CPHXL2: variants seen among roughly 807,000 people sequenced by gnomAD.
CPHXL2 encodes cytoplasmic polyadenylated homeobox like 2.
the CPHXL2 span, among the ~76,000 whole-genome samples, chr16:75,665,376 AG>A: frequency 6.6e-6 from 1 of 152,226 alleles, no homozygotes. Flanking sequence ...TTTTGTATCC[AG>A]TGAAAGTAAG....
At chr16:75,662,034 T>C in the CPHXL2 span, among the ~76,000 whole-genome samples, 1 of 152,202 alleles carries the variant, frequency 6.6e-6, no homozygotes, top group African/African-American at 2.4e-5. Flanking sequence ...CTGCCCCTCC[T>C]TCAGATGCCA....
chr16:75,676,349 G>C, the CPHXL2 span, among the ~76,000 whole-genome samples: 1 of 152,082 alleles, frequency 6.6e-6, no homozygotes. Flanking sequence ...TAAGAGACAA[G>C]GCCTCACTCT....
the CPHXL2 span, among the ~76,000 whole-genome samples, chr16:75,674,304 C>T: frequency 9.7e-5 from 13 of 134,234 alleles, no homozygotes; most frequent in South Asian, 4.9e-4. Context: ...ACCCGGGAGG[C>T]GGAGCTTGCA....
chr16:75,675,053 G>A, the CPHXL2 span, among the ~76,000 whole-genome samples: 1 of 151,356 alleles, frequency 6.6e-6, no homozygotes, highest in South Asian at 2.1e-4. Flanking sequence ...ACCAGTCATG[G>A]TGGTGGGCAC....
the CPHXL2 span, among the ~76,000 whole-genome samples, chr16:75,673,950 A>G: frequency 2.7e-5 from 4 of 150,618 alleles, no homozygotes; most frequent in African/African-American, 7.3e-5. Flanking sequence ...ACTGCACTCC[A>G]GCCTGGGTGA....
the CPHXL2 span, among the ~76,000 whole-genome samples, chr16:75,666,357 C>T: frequency 2.0e-5 from 3 of 152,002 alleles, no homozygotes; most frequent in South Asian, 2.1e-4. Flanking sequence ...CGTGGTGGCT[C>T]ACACTGTAAT....
the CPHXL2 span, chr16:75,661,377 G>A: frequency 5.0e-6 from 2 of 396,718 alleles, no homozygotes; most frequent in Non-Finnish European, 8.9e-6. Context: ...CTTGCCTTCA[G>A]ACATTAAGGC....
chr16:75,669,946 AT>A, the CPHXL2 span, among the ~76,000 whole-genome samples: 3 of 151,978 alleles, frequency 2.0e-5, no homozygotes, highest in Non-Finnish European at 4.4e-5. Flanking sequence ...TTATTTATTT[AT>A]TTTGTCATCC....
the CPHXL2 span, among the ~76,000 whole-genome samples, chr16:75,670,013 C>T: frequency 1.3e-5 from 2 of 152,166 alleles, no homozygotes; most frequent in Non-Finnish European, 2.9e-5. Context: ...CTCCTGGGTT[C>T]AAGCAATTCT....
the CPHXL2 span, chr16:75,669,684 C>G: frequency 2.5e-6 from 1 of 394,952 alleles, no homozygotes; most frequent in Non-Finnish European, 4.5e-6. Context: ...CTCATAGCTA[C>G]TCACAATAAT....
chr16:75,672,968 T>G, the CPHXL2 span, among the ~76,000 whole-genome samples: 1 of 150,104 alleles, frequency 6.7e-6, no homozygotes, highest in African/African-American at 2.5e-5. Flanking sequence ...TATTCCTAGC[T>G]ACTCCTGAGG....
At chr16:75,674,321 C>T in the CPHXL2 span, among the ~76,000 whole-genome samples, 8 of 136,340 alleles carry the variant, frequency 5.9e-5, no homozygotes, top group Middle Eastern at 5.0e-3. Flanking sequence ...TGCAGTGAGC[C>T]GAGATCGCAC....
the CPHXL2 span, chr16:75,669,333 T>G: frequency 7.6e-6 from 3 of 395,728 alleles, no homozygotes; most frequent in Non-Finnish European, 1.3e-5. Context: ...AAAAAAAATC[T>G]AAGAAACATG....
the CPHXL2 span, among the ~76,000 whole-genome samples, chr16:75,664,455 G>A: frequency 4.3e-4 from 65 of 151,972 alleles, no homozygotes; most frequent in African/African-American, 1.4e-3. Flanking sequence ...GAGAAACCCC[G>A]TATTTACTAA....
the CPHXL2 span, chr16:75,660,851 C>T: frequency 5.0e-6 from 2 of 398,672 alleles, no homozygotes; most frequent in Middle Eastern, 6.3e-4. Flanking sequence ...CACCTCCATA[C>T]TCCAAAGCAT....
chr16:75,667,797 CAT>C, the CPHXL2 span, among the ~76,000 whole-genome samples: 9 of 152,244 alleles, frequency 5.9e-5, no homozygotes, highest in African/African-American at 9.6e-5. Context: ...ACATGTGAAA[CAT>C]GTGTCCAAAA....
the CPHXL2 span, chr16:75,676,979 G>T: frequency 1.0e-5 from 4 of 398,442 alleles, no homozygotes; most frequent in East Asian, 1.4e-4. Flanking sequence ...TCTACCAAAG[G>T]CACTCACCTT....
At chr16:75,673,854 C>G in the CPHXL2 span, among the ~76,000 whole-genome samples, 2 of 151,640 alleles carry the variant, frequency 1.3e-5, no homozygotes, top group Non-Finnish European at 2.9e-5. Context: ...GTGGTGTGTG[C>G]CTGTGGTCCC....
the CPHXL2 span, among the ~76,000 whole-genome samples, chr16:75,665,190 G>A: frequency 4.6e-5 from 7 of 152,060 alleles, no homozygotes; most frequent in African/African-American, 1.2e-4. Context: ...CATCAAGTTC[G>A]TCTAAAATTA....
Sources: allele counts gnomAD v4.1 joint callset (sites outside exome capture counted in the v4.1 genomes callset), GRCh38; gene constraint gnomAD v4.1.1; transcripts MANE v1.5; gene names NCBI Gene and HGNC (gene_info 2026-07-23, HGNC 2026-07-21).